The following ATP6V0D2 variants were observed in gnomAD, a reference collection of about 807,000 sequenced individuals.
The protein encoded by ATP6V0D2 is ATPase H+ transporting V0 subunit d2, also known as V-type proton ATPase subunit d 2.
ATP6V0D2 carries 40 observed loss-of-function variants against 40.0 expected under a neutral mutation model. That is an observed-to-expected ratio of 1.00 (90% CI 0.78 to 1.30). ATP6V0D2 has a LOEUF of 1.30. Ranked by LOEUF, ATP6V0D2 falls within the 50% of genes most tolerant of loss-of-function variation. ATP6V0D2 has a pLI of 0.00. For missense variants in ATP6V0D2, 470 were observed against 423.1 expected (o/e 1.11, Z -0.97); for synonymous variants, 179 against 156.3 (o/e 1.15, Z -1.08).
rs775638266 is a variant in ATP6V0D2, at chr8:86,142,918, T to G, written c.603T>G (p.Gly201=). ...EAFYKFCKNH[G]DVTAEVMCPI... ...TCTATAAATTCTGTAAGAATCATGG[T>G]GATGTCACAGCAGAAGTTATGTGTC... The change falls in exon 5 of 8, where the codon GGT becomes GGG. Residue 201 remains glycine (G), a synonymous_variant. Transcript: ENST00000285393. 2.5e-6 allele frequency: 4 copies of G among 1,610,860 alleles called. No individual in the cohort carries two copies.
chr8:86,147,931 A>G (rs1438139742), intron 5 of ATP6V0D2, among the ~76,000 whole-genome samples: 1 of 152,108 alleles, frequency 6.6e-6, no homozygotes, highest in Non-Finnish European at 1.5e-5. Context: ...TCTTATATTC[A>G]TATTCTCTCC....
intron 5 of ATP6V0D2, among the ~76,000 whole-genome samples, chr8:86,149,077 C>CAAAAAAAAAAAAAAAA (rs1819109621): frequency 8.4e-5 from 3 of 35,772 alleles, no homozygotes; most frequent in African/African-American, 1.2e-4. Flanking sequence ...AAAAAAAAAC[C>CAAAAAAAAAAAAAAAA]AATGAACAAG....
rs778474001 is a variant in ATP6V0D2 at position 86,130,646 on chromosome 8, G to A, written c.303-8811G>A. Among the ~76,000 whole-genome samples the A allele has an allele frequency of 6.6e-5, 10 of 152,230 alleles. No individual in the cohort carries two copies. The East Asian group carries it at 1.7e-3, about 26-fold the overall frequency. On this transcript the variant is annotated intron_variant, in intron 2 of 7. Transcript: ENST00000285393. Reference sequence around the variant, plus strand: ...GAATTCAAGTTCCAGGAAGGAGGAGGAAGGTGTCCTGGAGGGGTGTTTACA... The same window carrying A: ...GAATTCAAGTTCCAGGAAGGAGGAGAAAGGTGTCCTGGAGGGGTGTTTACA...
intron 2 of ATP6V0D2, among the ~76,000 whole-genome samples, chr8:86,124,491 G>A (rs994325931): frequency 5.3e-5 from 8 of 152,164 alleles, no homozygotes; most frequent in African/African-American, 1.2e-4. Context: ...CTGGAATGCA[G>A]TCAATGAATT....
At chr8:86,115,407 C>T (rs1441736430) in intron 2 of ATP6V0D2, among the ~76,000 whole-genome samples, 2 of 111,176 alleles carry the variant, frequency 1.8e-5, no homozygotes, top group African/African-American at 7.3e-5. Context: ...CTCATTCTGT[C>T]GCTCAGGCTG....
Position 86,098,991 on chromosome 8 carries a change from G to A in ATP6V0D2, c.13G>A (p.Ala5Thr). The change falls in exon 1 of 8, where the codon GCG (alanine) becomes ACG (threonine). Residue 5 changes from alanine to threonine, a missense_variant. Transcript: ENST00000285393. MLEG[A>T]ELYFNVDHGY... is the part of the protein sequence containing the mutation. ...AATCTCTTCCCCCATGCTCGAAGGTGCGGAGCTGTACTTCAACGTGGACCA... is the reference window on the plus strand; with the variant it reads ...AATCTCTTCCCCCATGCTCGAAGGTACGGAGCTGTACTTCAACGTGGACCA... 2.5e-6 allele frequency: 4 copies of A among 1,614,038 alleles called. No homozygotes were observed. The highest frequency in any genetic ancestry group is 3.4e-6 in the Non-Finnish European group (4 of 1,180,002).
At chr8:86,117,010 C>T (rs897205466) in intron 2 of ATP6V0D2, among the ~76,000 whole-genome samples, 3 of 152,054 alleles carry the variant, frequency 2.0e-5, no homozygotes, top group African/African-American at 7.2e-5. Context: ...GGATTTGATA[C>T]AGGACCTAAT....
At position 86,151,562 on chromosome 8, in the gene ATP6V0D2, T is replaced by C. The variant is rs1199605515; in HGVS notation, c.891+22T>C. 9 of 1,557,564 alleles carry C rather than the reference T, an allele frequency of 5.8e-6. No individual in the cohort carries two copies. The African/African-American group carries it at 1.1e-4, about 19-fold the overall frequency. Reference sequence around the variant, plus strand: ...TGAGGTATGATATAAGTGGAAATACTATTAGCTTATTTTTCTCTTACTGTG... The same window carrying C: ...TGAGGTATGATATAAGTGGAAATACCATTAGCTTATTTTTCTCTTACTGTG... On this transcript the variant is annotated intron_variant, in intron 7 of 7. Coordinates refer to ENST00000285393, the MANE Select transcript of ATP6V0D2 (RefSeq NM_152565.1).
At chr8:86,120,889 G>A (rs2130248117) in intron 2 of ATP6V0D2, among the ~76,000 whole-genome samples, 1 of 152,160 alleles carries the variant, frequency 6.6e-6, no homozygotes, top group Middle Eastern at 3.4e-3. Flanking sequence ...AAACAAATCA[G>A]AAATATCTGT....
At chr8:86,118,926 CT>C (rs1818631019) in intron 2 of ATP6V0D2, among the ~76,000 whole-genome samples, 1 of 152,134 alleles carries the variant, frequency 6.6e-6, no homozygotes, top group Non-Finnish European at 1.5e-5. Context: ...GATCACAGAT[CT>C]AACGAGCGGT....
At chr8:86,134,158 G>A (rs914255159) in intron 2 of ATP6V0D2, among the ~76,000 whole-genome samples, 3 of 151,956 alleles carry the variant, frequency 2.0e-5, no homozygotes, top group African/African-American at 7.3e-5. Flanking sequence ...AGAAGCAAGC[G>A]GTGTAGTATT....
At chr8:86,150,985 G>T (rs139750365) in intron 6 of ATP6V0D2, among the ~76,000 whole-genome samples, 98 of 152,292 alleles carry the variant, frequency 6.4e-4, no homozygotes, top group African/African-American at 1.9e-3. Context: ...GTCAGCAAAT[G>T]CGTAACCCTT....
intron 2 of ATP6V0D2, among the ~76,000 whole-genome samples, chr8:86,132,431 T>A (rs1462517129): frequency 9.9e-5 from 15 of 152,140 alleles, no homozygotes; most frequent in Admixed American, 9.8e-4. Flanking sequence ...ACCTTTTATC[T>A]AACTGTATAT....
chr8:86,142,317 T>G (rs904510364), intron 4 of ATP6V0D2, among the ~76,000 whole-genome samples: 1 of 152,220 alleles, frequency 6.6e-6, no homozygotes, highest in African/African-American at 2.4e-5. Context: ...CTAATCCACC[T>G]GGCAAAAATA....
At position 86,142,910 on chromosome 8, in the gene ATP6V0D2, A is replaced by C. The variant is rs1170045145; in HGVS notation, c.595A>C (p.Asn199His). The change falls in exon 5 of 8, where the codon AAT becomes CAT. Residue 199 changes from asparagine to histidine, a missense_variant. Coordinates refer to ENST00000285393, the MANE Select transcript of ATP6V0D2 (RefSeq NM_152565.1). ...TGAGGCATTCTATAAATTCTGTAAGAATCATGGTGATGTCACAGCAGAAGT... is the reference window on the plus strand; with the variant it reads ...TGAGGCATTCTATAAATTCTGTAAGCATCATGGTGATGTCACAGCAGAAGT... ...YLEAFYKFCK[N>H]HGDVTAEVMC... is the part of the protein sequence containing the mutation. 1.9e-6 allele frequency: 3 copies of C among 1,610,584 alleles called. No individual in the cohort carries two copies. Among genetic ancestry groups the C allele is most frequent in the Admixed American group, 3.3e-5 (2 of 59,838 alleles).
intron 2 of ATP6V0D2, among the ~76,000 whole-genome samples, chr8:86,134,049 A>G (rs1818864257): frequency 6.6e-6 from 1 of 152,202 alleles, no homozygotes; most frequent in South Asian, 2.1e-4. Context: ...AGAAAAAAAG[A>G]CAAAACAAAT....
intron 1 of ATP6V0D2, among the ~76,000 whole-genome samples, chr8:86,103,489 T>C (rs1818429961): frequency 6.6e-6 from 1 of 152,030 alleles, no homozygotes; most frequent in African/African-American, 2.4e-5. Context: ...AAGCTGATTA[T>C]ATCTCACTAA....
intron 1 of ATP6V0D2, among the ~76,000 whole-genome samples, chr8:86,110,137 C>G (rs923734319): frequency 6.6e-6 from 1 of 152,090 alleles, no homozygotes; most frequent in Non-Finnish European, 1.5e-5. Flanking sequence ...TTCCTTTGCC[C>G]AGGCTGGGGT....
chr8:86,111,998 G>C (rs1818532866), intron 1 of ATP6V0D2, among the ~76,000 whole-genome samples: 1 of 152,170 alleles, frequency 6.6e-6, no homozygotes, highest in South Asian at 2.1e-4. Flanking sequence ...GTCTCCTGTA[G>C]TTGGCAGCAC....
Sources: allele counts gnomAD v4.1 joint callset (sites outside exome capture counted in the v4.1 genomes callset), GRCh38; gene constraint gnomAD v4.1.1; transcripts MANE v1.5; gene names NCBI Gene and HGNC (gene_info 2026-07-23, HGNC 2026-07-21).